Variants in SLC28A3 observed in about 807,000 individuals in gnomAD.
SLC28A3 encodes the protein concentrative Na(+)-nucleoside cotransporter 3.
In SLC28A3, 68 loss-of-function variants were observed where a neutral mutation model predicts 84.2. That is an observed-to-expected ratio of 0.81 (90% confidence interval 0.66 to 0.99). SLC28A3 has a LOEUF of 0.99. SLC28A3 is among the 50% of genes least tolerant of loss of function. SLC28A3 has a pLI of 0.00. For synonymous variants in SLC28A3, 267 were observed against 303.6 expected (o/e 0.88, Z 1.25); for missense variants, 712 against 841.5 (o/e 0.85, Z 1.90).
intron 1 of SLC28A3, among the ~76,000 whole-genome samples, chr9:84,328,188 CACACAT>C (rs1214916444): frequency 7.3e-5 from 11 of 150,782 alleles, no homozygotes; most frequent in African/African-American, 1.7e-4. Context: ...CACACACACA[CACACAT>C]ATTCACACAA....
At chr9:84,309,190 G>A (rs188196298) in intron 3 of SLC28A3, among the ~76,000 whole-genome samples, 6 of 152,134 alleles carry the variant, frequency 3.9e-5, no homozygotes, top group Non-Finnish European at 8.8e-5. Flanking sequence ...TAGATGGATG[G>A]GTGGTGACAA....
At chr9:84,337,572 C>A (rs551362648) in intron 1 of SLC28A3, among the ~76,000 whole-genome samples, 1 of 152,074 alleles carries the variant, frequency 6.6e-6, no homozygotes, top group Non-Finnish European at 1.5e-5. Context: ...AGCCAGTTTG[C>A]TGACTGTTTT....
intron 1 of SLC28A3, among the ~76,000 whole-genome samples, chr9:84,325,105 A>G (rs979545234): frequency 1.3e-5 from 2 of 152,158 alleles, no homozygotes; most frequent in Admixed American, 1.3e-4. Flanking sequence ...ATCAATGAGG[A>G]TCCCTGAGGT....
At chr9:84,291,731 G>A (rs1209505075) in intron 10 of SLC28A3, among the ~76,000 whole-genome samples, 1 of 152,170 alleles carries the variant, frequency 6.6e-6, no homozygotes, top group Non-Finnish European at 1.5e-5. Context: ...CTGGGATTTG[G>A]GGCTATGTGT....
Position 84,340,537 on chromosome 9 carries a change from C to T in SLC28A3, c.60+37G>A, listed in dbSNP as rs201732968. 365 of 1,611,852 alleles carry T rather than the reference C, an allele frequency of 2.3e-4. 4 individuals are homozygous for T. In the East Asian group the frequency reaches 6.9e-3, roughly 31 times the overall value. On this transcript the variant is annotated intron_variant, in intron 1 of 17. Transcript: ENST00000376238. ...GGCTAAGGAAAGGGCAGCTTTTCCA[C>T]TGAAGGCCTTTAACATAAGAGGAAA...
intron 1 of SLC28A3, among the ~76,000 whole-genome samples, chr9:84,317,555 C>A (rs1233875538): frequency 1.3e-5 from 2 of 152,178 alleles, no homozygotes; most frequent in East Asian, 3.9e-4. Context: ...TGTAATCACA[C>A]AGCCTGGCTT....
At chr9:84,278,368 G>A (rs1448846198) in intron 17 of SLC28A3, 24 bp from the exon 18 acceptor site, 1 of 1,613,532 alleles carries the variant, frequency 6.2e-7, no homozygotes, top group South Asian at 1.1e-5. Context: ...GAAAGAAACA[G>A]TTACATGAGC....
intron 10 of SLC28A3, among the ~76,000 whole-genome samples, chr9:84,290,859 A>G (rs1056879553): frequency 6.0e-5 from 9 of 150,594 alleles, no homozygotes; most frequent in African/African-American, 2.2e-4. Flanking sequence ...AAACAAACAA[A>G]CAACCTCAGC....
At chr9:84,331,580 A>G (rs1162091924) in intron 1 of SLC28A3, among the ~76,000 whole-genome samples, 4 of 152,124 alleles carry the variant, frequency 2.6e-5, no homozygotes, top group Non-Finnish European at 4.4e-5. Context: ...GTGTTTGTGC[A>G]GAGTGAGGCC....
chr9:84,287,717 G>T (rs955059429), intron 12 of SLC28A3, among the ~76,000 whole-genome samples: 1 of 152,044 alleles, frequency 6.6e-6, no homozygotes, highest in Non-Finnish European at 1.5e-5. Flanking sequence ...AGCTGAGAGT[G>T]GTGGTGCATG....
rs776956564 is a variant in SLC28A3, at chr9:84,286,030, C to T, written c.1362G>A (p.Leu454=). The T allele has an allele frequency of 3.7e-6, 6 of 1,614,134 alleles. No homozygotes were observed. The highest frequency in any genetic ancestry group is 1.6e-4 in the Middle Eastern group (1 of 6,062). ...AAGACAGCAGGGCCAGGAAGGCAAT[C>T]AGATTCACAGCGATGTTGGCCACCA... ...ISLVANIAVN[L]IAFLALLSFM... Residue 454 remains leucine, a synonymous_variant, in exon 13 of 18, where the codon CTG becomes CTA. Coordinates refer to ENST00000376238, the MANE Select transcript of SLC28A3 (RefSeq NM_001199633.2).
rs4877846 is a variant in SLC28A3, at chr9:84,328,654, G to T, written c.60+11920C>A. On this transcript the variant is annotated intron_variant, in intron 1 of 17. Transcript: ENST00000376238. Reference sequence around the variant, plus strand: ...GGCACCTGTAACCCCAGCTTCTCGCGAGGCTGAGACAGGAGAATTGCTTAA... The same window carrying T: ...GGCACCTGTAACCCCAGCTTCTCGCTAGGCTGAGACAGGAGAATTGCTTAA... Among the ~76,000 whole-genome samples, 470 of 152,178 alleles carry T rather than the reference G, an allele frequency of 3.1e-3. 9 individuals are homozygous for T. The East Asian group carries it at 0.074, about 24-fold the overall frequency.
intron 1 of SLC28A3, among the ~76,000 whole-genome samples, chr9:84,320,622 C>G (rs1015756867): frequency 2.0e-5 from 3 of 152,154 alleles, no homozygotes; most frequent in Non-Finnish European, 4.4e-5. Flanking sequence ...ATTTATTGCA[C>G]ACCTACTATG....
At chr9:84,338,718 ACT>A (rs1420018373) in intron 1 of SLC28A3, among the ~76,000 whole-genome samples, 1 of 151,786 alleles carries the variant, frequency 6.6e-6, no homozygotes, top group Non-Finnish European at 1.5e-5. Flanking sequence ...ACTTCCTCTG[ACT>A]CTATCCAATT....
rs1227213188 is a variant in SLC28A3 at position 84,340,637 on chromosome 9, C to CT, written c.-5dup. 7 of 1,614,046 alleles carry CT rather than the reference C, an allele frequency of 4.3e-6. No homozygotes were observed. Among genetic ancestry groups the CT allele is most frequent in the Non-Finnish European group, 5.9e-6 (7 of 1,180,024 alleles). ...CTGCTGTACTCCTCAGCTCCATGCTCTTTTTGCTGCTGGCTGGCTCTGGTC... is the reference window on the plus strand; with the variant it reads ...CTGCTGTACTCCTCAGCTCCATGCTCTTTTTTGCTGCTGGCTGGCTCTGGTC... On this transcript the variant is annotated 5_prime_UTR_variant, in exon 1 of 18. Coordinates refer to ENST00000376238, the MANE Select transcript of SLC28A3 (RefSeq NM_001199633.2).
At chr9:84,327,361 G>GAAAAAA (rs11404370) in intron 1 of SLC28A3, among the ~76,000 whole-genome samples, 1 of 127,662 alleles carries the variant, frequency 7.8e-6, no homozygotes, top group African/African-American at 2.9e-5. Flanking sequence ...TCAGAACACC[G>GAAAAAA]AAAAAAAAAA....
intron 12 of SLC28A3, among the ~76,000 whole-genome samples, chr9:84,287,320 C>T (rs911508020): frequency 2.6e-4 from 40 of 152,144 alleles, no homozygotes; most frequent in African/African-American, 9.4e-4. Context: ...ATGTTGGTTG[C>T]TGATGAATTC....
At chr9:84,330,588 A>G (rs1298564528) in intron 1 of SLC28A3, among the ~76,000 whole-genome samples, 1 of 152,228 alleles carries the variant, frequency 6.6e-6, no homozygotes, top group Non-Finnish European at 1.5e-5. Context: ...AGATCCATGT[A>G]TTGAAAAACA....
intron 3 of SLC28A3, among the ~76,000 whole-genome samples, chr9:84,307,539 TTCA>T (rs1309790684): frequency 6.6e-6 from 1 of 152,338 alleles, no homozygotes; most frequent in South Asian, 2.1e-4. Flanking sequence ...TCATGAAATG[TTCA>T]TCATTATGTA....
Sources: gnomAD v4.1 joint callset for allele counts (sites outside exome capture counted in the v4.1 genomes callset) on GRCh38, gnomAD v4.1.1 for gene constraint, MANE v1.5 for transcripts, NCBI Gene and HGNC (gene_info 2026-07-23, HGNC 2026-07-21) for gene names.